The following IYD variants were observed in gnomAD, a reference collection of about 807,000 sequenced individuals.
The protein encoded by IYD is iodotyrosine deiodinase.
IYD carries 25 observed loss-of-function variants against 28.4 expected under a neutral mutation model. The observed-to-expected ratio is 0.88, with a 90% CI of 0.64 to 1.23. The LOEUF (loss-of-function observed/expected upper bound fraction) is 1.23. Ranked by LOEUF, IYD falls within the 50% of genes most tolerant of loss-of-function variation. The probability of loss-of-function intolerance (pLI) is 0.00; values close to 1 mark genes in which losing one functional copy is unlikely to be tolerated. For missense variants in IYD, 352 were observed against 357.9 expected (o/e 0.98, Z 0.13); for synonymous variants, 140 against 130.8 (o/e 1.07, Z -0.48).
chr6:150,398,067 G>T lies in IYD; in HGVS notation c.700G>T (p.Val234Leu), dbSNP rs778906350. The T allele has an allele frequency of 1.2e-6, 2 of 1,614,134 alleles. No individual in the cohort carries two copies. Among genetic ancestry groups the T allele is most frequent in the Non-Finnish European group, 1.7e-6 (2 of 1,180,024 alleles). Reference sequence around the variant, plus strand: ...CCTCTTATTTTAGAATGCAGGTCTGGTGACTGTCACTACCACTCCTCTCAA... The same window carrying T: ...CCTCTTATTTTAGAATGCAGGTCTGTTGACTGTCACTACCACTCCTCTCAA... ...LLAALQNAGL[V>L]TVTTTPLNCG... is the part of the protein sequence containing the mutation. Residue 234 changes from valine to leucine, a missense_variant, in exon 5 of 5, where the codon GTG becomes TTG. By Grantham distance (32) the Val-to-Leu change is conservative. Transcript: ENST00000344419.
intron 4 of IYD, among the ~76,000 whole-genome samples, chr6:150,394,852 AG>A (rs1410546120): frequency 6.6e-6 from 1 of 152,226 alleles, no homozygotes; most frequent in Non-Finnish European, 1.5e-5. Flanking sequence ...GTTTTGAGAC[AG>A]GGTCTCATTG....
chr6:150,369,115 G>A lies in IYD; in HGVS notation c.84G>A (p.Glu28=), dbSNP rs751125599. The A allele has an allele frequency of 6.2e-7, 1 of 1,613,932 alleles. No individual in the cohort carries two copies. Among genetic ancestry groups the A allele is most frequent in the Non-Finnish European group, 8.5e-7 (1 of 1,179,978 alleles). Residue 28 remains glutamate, a synonymous_variant, in exon 1 of 5, where the codon GAG becomes GAA. Transcript: ENST00000344419. Reference sequence around the variant, plus strand: ...TTAAAAATGCCGACAGAAGCATGGAGAAAAAGAAGGGGGAGCCTAGAACCA... The same window carrying A: ...TTAAAAATGCCGACAGAAGCATGGAAAAAAAGAAGGGGGAGCCTAGAACCA... ...WIFKNADRSM[E]KKKGEPRTRA... is the part of the protein sequence containing the mutation.
At chr6:150,388,679 CT>C (rs1777991754) in intron 1 of IYD, among the ~76,000 whole-genome samples, 3 of 123,116 alleles carry the variant, frequency 2.4e-5, no homozygotes, top group African/African-American at 8.9e-5. Flanking sequence ...TTCTTTCTTT[CT>C]TTCTTCTTTC....
chr6:150,400,971 T>C lies in IYD; in HGVS notation c.*2734T>C, dbSNP rs112289929. On this transcript the variant is annotated 3_prime_UTR_variant, in exon 5 of 5. Transcript: ENST00000344419. ...GTGATATTGTTAGTGATGTGAGTGA[T>C]GCCTGCTGAAGTACTGAGAGATGAA... 1 of 152,176 alleles carries C rather than the reference T, an allele frequency of 6.6e-6. No individual in the cohort carries two copies. Among genetic ancestry groups the C allele is most frequent in the African/African-American group, 2.4e-5 (1 of 41,422 alleles). 9.4% of individuals were successfully genotyped at this position (152,176 alleles called of 1,614,324 possible). A position where few individuals can be genotyped will look rare whatever the true frequency, so the allele number is the denominator to read the frequency against.
In IYD at chr6:150,399,645, G is replaced by C. The variant is rs1778447305; in HGVS notation, c.*1408G>C. ...TCTCTCTATAAAAAATTTCCATAGA[G>C]TATGTGGCTGATAAACAACAGAAAT... is the stretch of plus-strand genomic sequence containing the variant. On this transcript the variant is annotated 3_prime_UTR_variant, in exon 5 of 5. Transcript: ENST00000344419. The C allele has an allele frequency of 6.6e-6, 1 of 152,118 alleles. No individual in the cohort carries two copies. The highest frequency in any genetic ancestry group is 1.5e-5 in the Non-Finnish European group (1 of 68,066). 9.4% of individuals were successfully genotyped at this position (152,118 alleles called of 1,614,324 possible). A position where few individuals can be genotyped will look rare whatever the true frequency, so the allele number is the denominator to read the frequency against.
intron 1 of IYD, among the ~76,000 whole-genome samples, chr6:150,376,621 ATCT>A (rs1364309692): frequency 5.9e-5 from 9 of 151,944 alleles, no homozygotes; most frequent in African/African-American, 4.8e-5. Context: ...ACATTTCTTC[ATCT>A]TCTTCTTTTC....
chr6:150,396,271 T>C (rs1450482949), intron 4 of IYD: 3 of 402,548 alleles, frequency 7.5e-6, no homozygotes, highest in East Asian at 3.8e-5. Flanking sequence ...ACTTTTTTTT[T>C]CAAATTCAAG....
At chr6:150,372,703 T>G (rs9384459) in intron 1 of IYD, among the ~76,000 whole-genome samples, 27 of 70,528 alleles carry the variant, frequency 3.8e-4, no homozygotes, top group African/African-American at 1.2e-3. Flanking sequence ...TGTGGGGGTG[T>G]GTTGGGGGTG....
chr6:150,395,515 C>T lies in IYD; in HGVS notation c.687+1260C>T, dbSNP rs75380096. On this transcript the variant is annotated intron_variant, in intron 4 of 4. Coordinates refer to ENST00000344419, the MANE Select transcript of IYD (RefSeq NM_203395.3). ...GAGGCACCGCCACCTGATTGAGGGTCCTGGAAGAAGCAGCGAAGCCTGCAG... is the reference window on the plus strand; with the variant it reads ...GAGGCACCGCCACCTGATTGAGGGTTCTGGAAGAAGCAGCGAAGCCTGCAG... 412 of 1,537,312 alleles carry T rather than the reference C, an allele frequency of 2.7e-4. No homozygotes were observed. The African/African-American group carries it at 4.7e-3, about 18-fold the overall frequency.
intron 1 of IYD, among the ~76,000 whole-genome samples, chr6:150,388,630 G>GCTTTCTTTCTTCTTTCTTTCTTT (rs1554231468): frequency 6.2e-4 from 80 of 129,408 alleles, no homozygotes; most frequent in African/African-American, 2.3e-3. Context: ...TGGAGTTTTT[G>GCTTTCTTTCTTCTTTCTTTCTTT]CTTTCTTTCT....
chr6:150,382,647 G>A (rs772422952), intron 1 of IYD, among the ~76,000 whole-genome samples: 2 of 151,990 alleles, frequency 1.3e-5, no homozygotes, highest in Admixed American at 1.3e-4. Flanking sequence ...TATGTTTTCT[G>A]TCTTTCTCTT....
intron 4 of IYD, chr6:150,396,261 A>C: frequency 5.0e-6 from 2 of 402,606 alleles, no homozygotes; most frequent in Admixed American, 4.3e-5. Flanking sequence ...GAATATGAAA[A>C]CTTTTTTTTT....
chr6:150,392,386 G>A lies in IYD; in HGVS notation c.412G>A (p.Val138Met), dbSNP rs1246415361. Residue 138 changes from valine (V) to methionine (M), a missense_variant, in exon 3 of 5, where the codon GTG becomes ATG. Coordinates refer to ENST00000344419, the MANE Select transcript of IYD (RefSeq NM_203395.3). ...SGAHTEPWTFVVVKDPDVKHK... is the reference protein window; with the variant it reads ...SGAHTEPWTFMVVKDPDVKHK... ...GGCTCACACAGAGCCCTGGACCTTCGTGGTTGTGAAGGACCCAGACGTGAA... is the reference window on the plus strand; with the variant it reads ...GGCTCACACAGAGCCCTGGACCTTCATGGTTGTGAAGGACCCAGACGTGAA... 5.6e-6 allele frequency: 9 copies of A among 1,613,650 alleles called. No individual in the cohort carries two copies. The highest frequency in any genetic ancestry group is 5.0e-5 in the Admixed American group (3 of 59,990).
chr6:150,371,382 C>CT (rs1777236102), intron 1 of IYD, among the ~76,000 whole-genome samples: 1 of 152,192 alleles, frequency 6.6e-6, no homozygotes, highest in Non-Finnish European at 1.5e-5. Flanking sequence ...TGCCTCTCCC[C>CT]TGGGAGAATG....
chr6:150,392,557 T>TCAC (rs2115053852), intron 3 of IYD, 53 bp downstream of exon 3: 1 of 1,550,160 alleles, frequency 6.5e-7, no homozygotes, highest in South Asian at 1.1e-5. Flanking sequence ...TAAAATAAAA[T>TCAC]CACCACCACC....
intron 1 of IYD, among the ~76,000 whole-genome samples, chr6:150,372,889 C>G (rs1281350084): frequency 6.6e-6 from 1 of 152,024 alleles, no homozygotes; most frequent in Non-Finnish European, 1.5e-5. Context: ...CAGTTAGGGT[C>G]CAAGAAAGAA....
intron 1 of IYD, among the ~76,000 whole-genome samples, chr6:150,386,093 C>T (rs1777853058): frequency 6.6e-6 from 1 of 151,844 alleles, no homozygotes; most frequent in Non-Finnish European, 1.5e-5. Flanking sequence ...CTCCCTATTG[C>T]ATGTTTGTTG....
At chr6:150,390,250 TA>T (rs757502297) in intron 2 of IYD, among the ~76,000 whole-genome samples, 1 of 152,206 alleles carries the variant, frequency 6.6e-6, no homozygotes, top group African/African-American at 2.4e-5. Flanking sequence ...GAAGCAAGAA[TA>T]AAATACTTTA....
At chr6:150,390,836 C>T (rs1344036901) in intron 2 of IYD, among the ~76,000 whole-genome samples, 3 of 152,136 alleles carry the variant, frequency 2.0e-5, no homozygotes, top group African/African-American at 7.2e-5. Flanking sequence ...CACTGCGAAG[C>T]TTTGCCCTGG....
Sources: gnomAD v4.1 joint callset for allele counts (sites outside exome capture counted in the v4.1 genomes callset) on GRCh38, gnomAD v4.1.1 for gene constraint, MANE v1.5 for transcripts, NCBI Gene and HGNC (gene_info 2026-07-23, HGNC 2026-07-21) for gene names.